Variants in SAMD5 observed in about 807,000 individuals in gnomAD.
SAMD5 encodes the protein sterile alpha motif domain-containing protein 5.
In SAMD5, 13 loss-of-function variants were observed where a neutral mutation model predicts 11.3. The observed-to-expected ratio is 1.15, with a 90% CI of 0.75 to 1.83. SAMD5 has a LOEUF of 1.83. Ranked by LOEUF, SAMD5 falls within the 40% of genes most tolerant of loss-of-function variation. The pLI, the probability that SAMD5 is intolerant of heterozygous loss-of-function variation, is 0.00. For missense variants in SAMD5, 255 were observed against 239.1 expected (o/e 1.07, Z -0.44); for synonymous variants, 129 against 111.3 (o/e 1.16, Z -1.00).
chr6:147,690,308 A>G (rs992750226), intron 1 of SAMD5, among the ~76,000 whole-genome samples: 1 of 152,230 alleles, frequency 6.6e-6, no homozygotes, highest in Non-Finnish European at 1.5e-5. Context: ...AGCTACTTGT[A>G]GGCTAATGCT....
At chr6:147,732,150 C>A (rs909518591) in intron 1 of SAMD5, among the ~76,000 whole-genome samples, 2 of 152,040 alleles carry the variant, frequency 1.3e-5, no homozygotes. Flanking sequence ...GAAAAAGGAC[C>A]ATCAGCCAGC....
chr6:147,816,301 A>AAAAAAAAAAAAAAAAATATATATAT, the SAMD5 span, among the ~76,000 whole-genome samples: 2 of 66,356 alleles, frequency 3.0e-5, no homozygotes, highest in African/African-American at 2.0e-4. Context: ...AAAAAAAAAA[A>AAAAAAAAAAAAAAAAATATATATAT]ATATATATAT....
intron 1 of SAMD5, among the ~76,000 whole-genome samples, chr6:147,663,005 G>A (rs1253272709): frequency 6.6e-6 from 1 of 152,106 alleles, no homozygotes; most frequent in African/African-American, 2.4e-5. Context: ...TTTTGTAAAA[G>A]CAATGACATC....
the SAMD5 span, chr6:147,743,068 C>T: frequency 6.6e-6 from 1 of 152,062 alleles, no homozygotes; most frequent in African/African-American, 2.4e-5. Flanking sequence ...TTTGACAACC[C>T]ATCAATTTAT....
the SAMD5 span, among the ~76,000 whole-genome samples, chr6:147,799,836 T>A: frequency 6.6e-6 from 1 of 152,208 alleles, no homozygotes; most frequent in African/African-American, 2.4e-5. Flanking sequence ...CCACTGCTGA[T>A]ACCCTTTCTT....
intron 1 of SAMD5, among the ~76,000 whole-genome samples, chr6:147,555,015 G>A (rs1583080512): frequency 1.3e-5 from 2 of 152,140 alleles, no homozygotes; most frequent in African/African-American, 4.8e-5. Context: ...AAATGTTAAC[G>A]TCGACCTGTG....
chr6:147,735,936 C>A (rs1397041577), intron 1 of SAMD5, among the ~76,000 whole-genome samples: 2 of 152,080 alleles, frequency 1.3e-5, no homozygotes, highest in African/African-American at 4.8e-5. Flanking sequence ...TCAGTGCAAC[C>A]TTGAGCATCA....
intron 1 of SAMD5, among the ~76,000 whole-genome samples, chr6:147,641,567 AT>A (rs35496907): frequency 0.035 from 4,959 of 139,768 alleles, 85 homozygotes; most frequent in African/African-American, 0.049. Flanking sequence ...TCTGTCTTTA[AT>A]TTTTTTTTTT....
At chr6:147,609,803 G>T (rs142354764) in intron 1 of SAMD5, among the ~76,000 whole-genome samples, 1 of 151,992 alleles carries the variant, frequency 6.6e-6, no homozygotes, top group African/African-American at 2.4e-5. Context: ...TGATCCGCCC[G>T]CCTCAGCCTC....
At chr6:147,654,262 T>G (rs187309924) in intron 1 of SAMD5, among the ~76,000 whole-genome samples, 1 of 152,280 alleles carries the variant, frequency 6.6e-6, no homozygotes, top group Non-Finnish European at 1.5e-5. Context: ...ATTCTTAGAA[T>G]TTTCTTTCTT....
chr6:147,851,879 A>G, the SAMD5 span, among the ~76,000 whole-genome samples: 1 of 152,144 alleles, frequency 6.6e-6, no homozygotes, highest in African/African-American at 2.4e-5. Flanking sequence ...AGATTTTTTT[A>G]TCCCCCAAAT....
At chr6:147,816,304 ATATATATATAT>A in the SAMD5 span, among the ~76,000 whole-genome samples, 4 of 33,410 alleles carry the variant, frequency 1.2e-4, no homozygotes, top group Non-Finnish European at 2.4e-4. Context: ...AAAAAAAAAT[ATATATATATAT>A]ATATATATAT....
intron 1 of SAMD5, among the ~76,000 whole-genome samples, chr6:147,537,173 T>C (rs901023100): frequency 6.6e-6 from 1 of 152,188 alleles, no homozygotes; most frequent in African/African-American, 2.4e-5. Flanking sequence ...TATATACCAA[T>C]AACACATTTA....
chr6:147,608,155 G>A lies in SAMD5; in HGVS notation c.162+98768G>A, dbSNP rs117439236. ...GGCAATAACACATGCTGGTGAGGAT[G>A]TGAAGGAAAGGGAACCCTCATACAC... On this transcript the variant is annotated intron_variant, in intron 1 of 1. Transcript: ENST00000566741. Among the ~76,000 whole-genome samples the A allele has an allele frequency of 4.1e-3, 622 of 152,330 alleles. 3 individuals carry two copies. The highest frequency in any genetic ancestry group is 0.027 in the Middle Eastern group (8 of 292).
At chr6:147,798,169 A>G in the SAMD5 span, among the ~76,000 whole-genome samples, 3 of 145,440 alleles carry the variant, frequency 2.1e-5, no homozygotes, top group Admixed American at 2.1e-4. Flanking sequence ...TAGGGTGTCA[A>G]TTTTGGATCT....
the SAMD5 span, among the ~76,000 whole-genome samples, chr6:147,910,443 C>T: frequency 3.9e-5 from 6 of 152,296 alleles, no homozygotes; most frequent in South Asian, 4.1e-4. Context: ...CCGGGCGCAG[C>T]GGTGCCCTCT....
At chr6:147,792,642 C>A in the SAMD5 span, among the ~76,000 whole-genome samples, 1 of 152,070 alleles carries the variant, frequency 6.6e-6, no homozygotes, top group Non-Finnish European at 1.5e-5. Flanking sequence ...TAAAAGGAAT[C>A]AAGGATCCCT....
the SAMD5 span, among the ~76,000 whole-genome samples, chr6:147,909,633 T>TTTCTTTCTTTCTTTC: frequency 6.4e-5 from 2 of 31,220 alleles, 1 homozygote; most frequent in East Asian, 1.7e-3. Context: ...TCTTTCTTTC[T>TTTCTTTCTTTCTTTC]CTTTCTTGTC....
the SAMD5 span, among the ~76,000 whole-genome samples, chr6:147,799,752 G>A: frequency 1.3e-5 from 2 of 151,704 alleles, no homozygotes; most frequent in African/African-American, 2.4e-5. Context: ...ATATTTCTTG[G>A]AGGCTTTGCT....
Sources: allele counts gnomAD v4.1 joint callset (sites outside exome capture counted in the v4.1 genomes callset), GRCh38; gene constraint gnomAD v4.1.1; transcripts MANE v1.5; gene names NCBI Gene and HGNC (gene_info 2026-07-23, HGNC 2026-07-21).